Variants in THSD4 observed in about 807,000 individuals in gnomAD.
THSD4 encodes the protein thrombospondin type 1 domain containing 4.
THSD4 carries 69 observed loss-of-function variants against 119.0 expected under a neutral mutation model. The observed-to-expected ratio is 0.58, with a 90% confidence interval of 0.48 to 0.71. The LOEUF (loss-of-function observed/expected upper bound fraction) is 0.71, where lower values mean the gene tolerates loss of function less well. Among genes scored for constraint, THSD4 ranks in the 30% least tolerant of loss-of-function variants. THSD4 has a pLI of 0.00. For synonymous variants in THSD4, 524 were observed against 540.4 expected (o/e 0.97, Z 0.42); for missense variants, 1,393 against 1,391.1 (o/e 1.00, Z -0.02).
chr15:71,694,511 C>T (rs1210815151), intron 8 of THSD4, among the ~76,000 whole-genome samples: 1 of 152,120 alleles, frequency 6.6e-6, no homozygotes, highest in Non-Finnish European at 1.5e-5. Flanking sequence ...CTTTTCATTT[C>T]TGTGTATAGT....
intron 7 of THSD4, among the ~76,000 whole-genome samples, chr15:71,628,092 C>G (rs2050543318): frequency 6.6e-6 from 1 of 152,188 alleles, no homozygotes; most frequent in South Asian, 2.1e-4. Flanking sequence ...ATGGCCAGGC[C>G]TGTGCCAGCC....
chr15:71,422,214 G>A (rs756906576), intron 7 of THSD4, among the ~76,000 whole-genome samples: 3 of 152,162 alleles, frequency 2.0e-5, no homozygotes, highest in African/African-American at 4.8e-5. Context: ...GATGCTTGTG[G>A]ATGTTCACTG....
At chr15:71,695,502 A>ATG (rs3086738) in intron 8 of THSD4, among the ~76,000 whole-genome samples, 10,053 of 144,034 alleles carry the variant, frequency 0.07, 349 homozygotes, top group Non-Finnish European at 0.079. Context: ...GTGTGTGTGC[A>ATG]TGTGTGTGTG....
At chr15:71,476,254 C>G (rs536294909) in intron 7 of THSD4, among the ~76,000 whole-genome samples, 1 of 152,114 alleles carries the variant, frequency 6.6e-6, no homozygotes, top group South Asian at 2.1e-4. Context: ...TTTTTTGAGG[C>G]AGAGTCTCGT....
chr15:71,582,987 G>T (rs2049589329), intron 7 of THSD4, among the ~76,000 whole-genome samples: 1 of 152,100 alleles, frequency 6.6e-6, no homozygotes, highest in South Asian at 2.1e-4. Flanking sequence ...TTTTTGAAGG[G>T]TCTGGGAAAC....
intron 7 of THSD4, among the ~76,000 whole-genome samples, chr15:71,494,377 T>C (rs1350398068): frequency 1.3e-5 from 2 of 152,154 alleles, no homozygotes; most frequent in Non-Finnish European, 2.9e-5. Context: ...AATGTCTCAG[T>C]GATCCCAAGT....
chr15:71,620,524 G>A (rs1302403167), intron 7 of THSD4, among the ~76,000 whole-genome samples: 2 of 152,118 alleles, frequency 1.3e-5, no homozygotes, highest in East Asian at 3.8e-4. Context: ...AGGATCACTT[G>A]AGCCCAGGAA....
chr15:71,592,492 C>T (rs1468034657), intron 7 of THSD4, among the ~76,000 whole-genome samples: 1 of 152,106 alleles, frequency 6.6e-6, no homozygotes, highest in East Asian at 1.9e-4. Context: ...ACACATTTTC[C>T]CACAGAAACC....
At chr15:71,371,888 C>G (rs1476533930) in intron 6 of THSD4, among the ~76,000 whole-genome samples, 1 of 152,156 alleles carries the variant, frequency 6.6e-6, no homozygotes, top group South Asian at 2.1e-4. Flanking sequence ...CAACTTGGTT[C>G]CATTCTCCCC....
At chr15:71,253,725 C>T (rs1446610976) in intron 5 of THSD4, among the ~76,000 whole-genome samples, 1 of 152,108 alleles carries the variant, frequency 6.6e-6, no homozygotes, top group African/African-American at 2.4e-5. Flanking sequence ...ACTTTTATTA[C>T]ATAAATATTA....
At chr15:71,463,753 G>T (rs529374674) in intron 7 of THSD4, among the ~76,000 whole-genome samples, 1 of 152,128 alleles carries the variant, frequency 6.6e-6, no homozygotes, top group Admixed American at 6.6e-5. Context: ...TTATTATCCT[G>T]ATTAGACTCC....
At chr15:71,098,721 T>G (rs2040242197) in intron 1 of THSD4, among the ~76,000 whole-genome samples, 1 of 152,194 alleles carries the variant, frequency 6.6e-6, no homozygotes, top group Non-Finnish European at 1.5e-5. Context: ...TGATATATAA[T>G]ATACTCATCC....
At chr15:71,194,032 G>A (rs1373323299) in intron 3 of THSD4, among the ~76,000 whole-genome samples, 3 of 152,188 alleles carry the variant, frequency 2.0e-5, no homozygotes, top group Non-Finnish European at 4.4e-5. Context: ...GGTTTTATAA[G>A]GGGCTTCCCC....
At chr15:71,558,663 G>A (rs891885737) in intron 7 of THSD4, among the ~76,000 whole-genome samples, 8 of 152,008 alleles carry the variant, frequency 5.3e-5, no homozygotes, top group Admixed American at 4.6e-4. Flanking sequence ...TAGAGATGGG[G>A]TCTTTCTATG....
intron 7 of THSD4, among the ~76,000 whole-genome samples, chr15:71,516,265 A>G (rs962848065): frequency 1.3e-5 from 2 of 152,028 alleles, no homozygotes; most frequent in East Asian, 3.9e-4. Context: ...TACTTTATTT[A>G]CTCTACACAA....
chr15:71,157,567 A>G (rs1447174497), intron 3 of THSD4, among the ~76,000 whole-genome samples: 3 of 151,472 alleles, frequency 2.0e-5, no homozygotes, highest in Non-Finnish European at 4.4e-5. Context: ...CCCCCTATCT[A>G]TGGTAACTTT....
intron 4 of THSD4, among the ~76,000 whole-genome samples, chr15:71,239,216 A>G (rs2044131665): frequency 6.6e-6 from 1 of 152,218 alleles, no homozygotes; most frequent in African/African-American, 2.4e-5. Context: ...GTAAATGAAT[A>G]CAAGGCCAGA....
chr15:71,334,881 G>T (rs535853075), intron 6 of THSD4, among the ~76,000 whole-genome samples: 2 of 152,190 alleles, frequency 1.3e-5, no homozygotes. Flanking sequence ...GACAAAGGGG[G>T]AATCCGTTAC....
intron 7 of THSD4, among the ~76,000 whole-genome samples, chr15:71,456,317 C>T (rs1269974812): frequency 6.6e-6 from 1 of 152,128 alleles, no homozygotes; most frequent in Non-Finnish European, 1.5e-5. Flanking sequence ...TCTTTCACTT[C>T]TGGAAAGAAT....
Sources: gnomAD v4.1 joint callset for allele counts (sites outside exome capture counted in the v4.1 genomes callset) on GRCh38, gnomAD v4.1.1 for gene constraint, MANE v1.5 for transcripts, NCBI Gene and HGNC (gene_info 2026-07-23, HGNC 2026-07-21) for gene names.